The following GFM2 variants were observed in gnomAD, a reference collection of about 807,000 sequenced individuals.
GFM2 encodes the protein ribosome-releasing factor 2, mitochondrial.
GFM2 carries 72 observed loss-of-function variants against 95.4 expected under a neutral mutation model. The observed-to-expected ratio is 0.76, with a 90% CI of 0.62 to 0.92. The LOEUF (loss-of-function observed/expected upper bound fraction) is 0.92. Among genes scored for constraint, GFM2 ranks in the 40% least tolerant of loss-of-function variants. GFM2 has a pLI of 0.00. For missense variants in GFM2, 825 were observed against 924.1 expected, an observed-to-expected ratio of 0.89 and a Z score of 1.39; for synonymous variants, 276 against 317.5, an observed-to-expected ratio of 0.87 and a Z score of 1.39.
chr5:74,760,139 CTA>C (rs1255900992), intron 3 of GFM2, among the ~76,000 whole-genome samples: 1 of 152,060 alleles, frequency 6.6e-6, no homozygotes, highest in African/African-American at 2.4e-5. Context: ...TCCCATGTTT[CTA>C]TAATACAAAA....
At chr5:74,731,508 G>A (rs918363631) in intron 16 of GFM2, among the ~76,000 whole-genome samples, 1 of 152,098 alleles carries the variant, frequency 6.6e-6, no homozygotes, top group Admixed American at 6.5e-5. Context: ...TGTCCCTGAG[G>A]ATAAAGGAAG....
intron 14 of GFM2, 94 bp downstream of exon 14, chr5:74,738,224 T>G: frequency 1.1e-6 from 1 of 882,970 alleles, no homozygotes. Context: ...TGATGGACAT[T>G]TGGATTGTTT....
At chr5:74,743,407 A>C (rs2112284446) in intron 10 of GFM2, among the ~76,000 whole-genome samples, 1 of 152,300 alleles carries the variant, frequency 6.6e-6, no homozygotes, top group South Asian at 2.1e-4. Flanking sequence ...CACCTTTGCC[A>C]ACACCTATTT....
chr5:74,738,733 C>T, intron 12 of GFM2, 91 bp from the exon 13 acceptor site: 2 of 1,264,088 alleles, frequency 1.6e-6, no homozygotes, highest in Non-Finnish European at 2.2e-6. Context: ...TCTATTTTAT[C>T]TTCTAGTAGA....
rs372687626 is a variant in GFM2, at chr5:74,750,680, T to C, written c.431-13A>G. 1.1e-5 allele frequency: 17 copies of C among 1,586,826 alleles called. No individual in the cohort carries two copies. In the African/African-American group the frequency reaches 1.3e-4, roughly 13 times the overall value. The stretch of plus-strand genomic sequence containing the variant: ...AAGTCCACATGACCTAAGAAAAAGA[T>C]AAGACGTATAATGCCTTCTTTTTAA... On this transcript the variant is annotated splice_polypyrimidine_tract_variant and intron_variant, in intron 6 of 20. Transcript: ENST00000296805.
At chr5:74,731,717 G>A in intron 16 of GFM2, among the ~76,000 whole-genome samples, 1 of 152,156 alleles carries the variant, frequency 6.6e-6, no homozygotes, top group Non-Finnish European at 1.5e-5. Context: ...AAAATGACTT[G>A]TTTATAGGTA....
In GFM2 at chr5:74,740,121, T is replaced by C; in HGVS notation, c.947A>G (p.His316Arg). 1.0e-5 allele frequency: 16 copies of C among 1,600,302 alleles called. No individual in the cohort carries two copies. The highest frequency in any genetic ancestry group is 2.3e-5 in the East Asian group (1 of 44,176). The change falls in exon 12 of 21, where the codon CAT (histidine) becomes CGT (arginine). Residue 316 changes from histidine (H) to arginine (R), a missense_variant. Coordinates refer to ENST00000296805, the MANE Select transcript of GFM2 (RefSeq NM_032380.5). Reference protein sequence around the residue: ...LPAEKLQTAIHRVTLAQTAVP... With the variant: ...LPAEKLQTAIRRVTLAQTAVP... Reference sequence around the variant, plus strand: ...TGCTGTCTGAGCTAGTGTCACTCTATGTATTGCAGTCTGTAGCTACAGAGC... The same window carrying C: ...TGCTGTCTGAGCTAGTGTCACTCTACGTATTGCAGTCTGTAGCTACAGAGC...
At chr5:74,728,115 C>T (rs141252556) in intron 17 of GFM2, among the ~76,000 whole-genome samples, 15 of 152,148 alleles carry the variant, frequency 9.9e-5, no homozygotes, top group African/African-American at 3.4e-4. Flanking sequence ...TATTTTTGAT[C>T]GTTTCTTGTT....
intron 1 of GFM2, among the ~76,000 whole-genome samples, chr5:74,764,778 G>GTTTTTTTTTTT (rs757160377): frequency 1.4e-5 from 1 of 70,488 alleles, no homozygotes; most frequent in Admixed American, 1.9e-4. Flanking sequence ...TCCCTTTGTT[G>GTTTTTTTTTTT]TTTTTTTTTT....
intron 17 of GFM2, 102 bp downstream of exon 17, chr5:74,730,158 G>T: frequency 9.1e-7 from 1 of 1,098,210 alleles, no homozygotes; most frequent in Non-Finnish European, 1.3e-6. Context: ...TGTCTCCTCT[G>T]ATAGAAGACA....
chr5:74,725,574 C>A, intron 19 of GFM2, 66 bp downstream of exon 19: 1 of 1,062,326 alleles, frequency 9.4e-7, no homozygotes, highest in East Asian at 2.4e-5. Context: ...CAGCTGTCTG[C>A]AAGATCAGTG....
intron 17 of GFM2, among the ~76,000 whole-genome samples, chr5:74,726,415 CA>C (rs1750151828): frequency 6.6e-6 from 1 of 151,804 alleles, no homozygotes; most frequent in Non-Finnish European, 1.5e-5. Context: ...TTAAACTTTT[CA>C]AAATGTCTTG....
intron 14 of GFM2, among the ~76,000 whole-genome samples, chr5:74,737,780 T>A (rs1033845737): frequency 6.6e-6 from 1 of 152,318 alleles, no homozygotes; most frequent in African/African-American, 2.4e-5. Context: ...TTTTAACCCA[T>A]GAAAAATAAA....
chr5:74,760,843 G>T, intron 3 of GFM2, 59 bp downstream of exon 3: 1 of 1,072,902 alleles, frequency 9.3e-7, no homozygotes, highest in Non-Finnish European at 1.4e-6. Context: ...GCAAACAAGA[G>T]AGAGAAAAGA....
chr5:74,751,288 A>G (rs1390347922), intron 6 of GFM2, 80 bp downstream of exon 6: 2 of 1,432,860 alleles, frequency 1.4e-6, no homozygotes, highest in East Asian at 2.3e-5. Context: ...TACCACAATA[A>G]AAAGCAAAAC....
At chr5:74,740,411 G>A (rs1473229696) in intron 11 of GFM2, among the ~76,000 whole-genome samples, 2 of 152,160 alleles carry the variant, frequency 1.3e-5, no homozygotes, top group South Asian at 4.1e-4. Context: ...GTTAAAACAG[G>A]TGCTTAAAAA....
intron 5 of GFM2, among the ~76,000 whole-genome samples, chr5:74,752,009 T>A (rs1190670637): frequency 1.3e-5 from 2 of 152,228 alleles, no homozygotes; most frequent in Admixed American, 6.5e-5. Flanking sequence ...ATATATAAAG[T>A]ACCTAGTCTA....
chr5:74,736,754 T>G, intron 15 of GFM2, 42 bp downstream of exon 15: 1 of 1,609,378 alleles, frequency 6.2e-7, no homozygotes, highest in South Asian at 1.1e-5. Context: ...TTATATAAAT[T>G]ATCAGCGCAC....
intron 16 of GFM2, 149 bp from the exon 17 acceptor site, chr5:74,730,547 A>G: frequency 2.0e-6 from 1 of 487,990 alleles, no homozygotes; most frequent in Non-Finnish European, 3.4e-6. Context: ...TTTACATCAA[A>G]ACATTGCTTT....
Sources: gnomAD v4.1 joint callset for allele counts (sites outside exome capture counted in the v4.1 genomes callset) on GRCh38, gnomAD v4.1.1 for gene constraint, MANE v1.5 for transcripts, NCBI Gene and HGNC (gene_info 2026-07-23, HGNC 2026-07-21) for gene names.